ARVCF: variants seen among roughly 807,000 people sequenced by gnomAD.
ARVCF encodes splicing regulator ARVCF.
Under a neutral mutation model 90.9 loss-of-function variants are expected in ARVCF, and 66 were observed. The ratio of observed to expected loss-of-function variants is 0.73; its 90% CI spans 0.60 to 0.89. The LOEUF (loss-of-function observed/expected upper bound fraction) is 0.89, where lower values mean the gene tolerates loss of function less well. Ranked by LOEUF, ARVCF falls within the 40% of genes least tolerant of loss-of-function variation. The pLI is 0.00. For missense variants in ARVCF, 1,469 were observed against 1,382.3 expected, an observed-to-expected ratio of 1.06 and a Z score of -1.00; for synonymous variants, 653 against 603.4, an observed-to-expected ratio of 1.08 and a Z score of -1.21.
intron 2 of ARVCF, among the ~76,000 whole-genome samples, chr22:19,995,830 C>T (rs977675907): frequency 3.3e-5 from 5 of 152,098 alleles, no homozygotes; most frequent in African/African-American, 1.2e-4. Context: ...CATCGAGCCT[C>T]CTCCCATACC....
At chr22:19,993,167 C>A (rs1351099495) in intron 2 of ARVCF, among the ~76,000 whole-genome samples, 1 of 151,954 alleles carries the variant, frequency 6.6e-6, no homozygotes, top group Non-Finnish European at 1.5e-5. Flanking sequence ...GTGCCCTAGG[C>A]CCGCAGGTCA....
intron 2 of ARVCF, among the ~76,000 whole-genome samples, chr22:20,007,044 A>T (rs767196539): frequency 1.3e-5 from 2 of 152,098 alleles, no homozygotes; most frequent in Non-Finnish European, 2.9e-5. Flanking sequence ...GCTGGGGCCC[A>T]GAAGTTCGAG....
At chr22:19,998,172 G>A (rs1185416719) in intron 2 of ARVCF, among the ~76,000 whole-genome samples, 1 of 152,204 alleles carries the variant, frequency 6.6e-6, no homozygotes, top group Non-Finnish European at 1.5e-5. Context: ...GCCTCAGCGG[G>A]CAGGTGCAGC....
At chr22:19,997,036 C>T (rs1215524336) in intron 2 of ARVCF, among the ~76,000 whole-genome samples, 1 of 152,244 alleles carries the variant, frequency 6.6e-6, no homozygotes. Context: ...CTGCCCTGCA[C>T]TAATGCAGTG....
Position 19,987,150 on chromosome 22 carries a change from G to A in ARVCF, c.210+3435C>T, listed in dbSNP as rs973090973. The A allele has an allele frequency of 8.6e-6, 4 of 464,576 alleles. No individual in the cohort carries two copies. In the Admixed American group the frequency reaches 1.7e-4, roughly 20 times the overall value. 28.8% of individuals were successfully genotyped at this position (464,576 alleles called of 1,614,324 possible). A position where few individuals can be genotyped will look rare whatever the true frequency, so the allele number is the denominator to read the frequency against. Reference sequence around the variant, plus strand: ...GCGGGGGAGGCGGTGGCTGGACCAGGCTCGGCTCCGGCGCCTCGGCCGCTC... The same window carrying A: ...GCGGGGGAGGCGGTGGCTGGACCAGACTCGGCTCCGGCGCCTCGGCCGCTC... On this transcript the variant is annotated intron_variant, in intron 3 of 19. Coordinates refer to ENST00000263207, the MANE Select transcript of ARVCF (RefSeq NM_001670.3).
chr22:19,975,339 A>G (rs902861849), intron 11 of ARVCF, among the ~76,000 whole-genome samples: 1 of 152,188 alleles, frequency 6.6e-6, no homozygotes, highest in Non-Finnish European at 1.5e-5. Flanking sequence ...GCCCCCTCAG[A>G]TAACTCAGCT....
At chr22:20,012,889 C>G (rs1271121404) in intron 1 of ARVCF, among the ~76,000 whole-genome samples, 1 of 152,238 alleles carries the variant, frequency 6.6e-6, no homozygotes, top group Non-Finnish European at 1.5e-5. Context: ...GGGCAGCTCC[C>G]ATGGGTACAC....
chr22:19,971,126 G>T, intron 19 of ARVCF, 90 bp downstream of exon 19: 1 of 1,544,036 alleles, frequency 6.5e-7, no homozygotes, highest in South Asian at 1.2e-5. Context: ...CGTGCGGGAA[G>T]AGCAGAGCGT....
intron 2 of ARVCF, among the ~76,000 whole-genome samples, chr22:20,006,462 C>A (rs1033648991): frequency 2.7e-5 from 4 of 150,786 alleles, no homozygotes; most frequent in Admixed American, 2.6e-4. Flanking sequence ...GCCTGTAGTT[C>A]CAGCTACTTG....
rs965138536 is a variant in ARVCF at position 20,009,879 on chromosome 22, C to T, written c.-19+576G>A. On this transcript the variant is annotated intron_variant, in intron 2 of 19. Transcript: ENST00000263207. ...GTGATCAGAGTACATTCAGACTATT[C>T]AGTTATGGGCTGTCTGCAGCCATTT... 4.6e-5 allele frequency among the ~76,000 whole-genome samples: 7 copies of T among 152,372 alleles called. No homozygotes were observed. The East Asian group carries it at 1.2e-3, about 25-fold the overall frequency.
chr22:19,973,529 G>A (rs1342301938), intron 13 of ARVCF, 114 bp downstream of exon 13: 3 of 1,483,726 alleles, frequency 2.0e-6, no homozygotes, highest in Non-Finnish European at 2.7e-6. Flanking sequence ...GCGCCCAAGC[G>A]AGAGGGCCGG....
intron 3 of ARVCF, among the ~76,000 whole-genome samples, chr22:19,988,673 G>A (rs1026989459): frequency 5.3e-5 from 8 of 152,354 alleles, no homozygotes; most frequent in South Asian, 2.1e-4. Flanking sequence ...CCCAAAGCCC[G>A]GGCTCTGACC....
chr22:19,966,189 C>T (rs916895499), downstream of ARVCF, among the ~76,000 whole-genome samples: 11 of 152,270 alleles, frequency 7.2e-5, no homozygotes, highest in Middle Eastern at 3.4e-3. Context: ...CCTTGTTAAA[C>T]GCACATCTGC....
At chr22:19,971,760 C>T in intron 18 of ARVCF, 126 bp downstream of exon 18, 1 of 1,003,452 alleles carries the variant, frequency 1.0e-6, no homozygotes. Flanking sequence ...GCTTCCTGGG[C>T]TTGGCCCCAC....
At chr22:19,987,436 C>A (rs915668369) in intron 3 of ARVCF, among the ~76,000 whole-genome samples, 5 of 151,184 alleles carry the variant, frequency 3.3e-5, no homozygotes, top group African/African-American at 7.3e-5. Context: ...CCCTCCCCCT[C>A]CCTGCGGCAG....
At chr22:20,002,758 C>A (rs141919096) in intron 2 of ARVCF, among the ~76,000 whole-genome samples, 12 of 152,148 alleles carry the variant, frequency 7.9e-5, no homozygotes, top group Non-Finnish European at 1.6e-4. Flanking sequence ...CCACAGCCTG[C>A]GCATGAAGAT....
intron 9 of ARVCF, 127 bp downstream of exon 9, chr22:19,977,288 C>T (rs1943209654): frequency 7.7e-7 from 1 of 1,293,756 alleles, no homozygotes; most frequent in East Asian, 2.7e-5. Flanking sequence ...GGCTTCCCTG[C>T]CTGCCTGTTG....
At position 19,981,987 on chromosome 22, in the gene ARVCF, G is replaced by C; in HGVS notation, c.315C>G (p.Ser105=). 6.2e-7 allele frequency: 1 copy of C among 1,613,236 alleles called. No homozygotes were observed. Among genetic ancestry groups the C allele is most frequent in the Non-Finnish European group, 8.5e-7 (1 of 1,179,964 alleles). Residue 105 remains serine (S), a synonymous_variant, in exon 4 of 20, where the codon TCC becomes TCG. Transcript: ENST00000263207. ...TVEEDPGTPT[S]HVSIVTSEDG... ...CTTCGGATGTGACAATAGACACATG[G>C]GAAGTGGGTGTGCCGGGGTCCTCCT...
chr22:19,989,910 C>T (rs1460911306), intron 3 of ARVCF, among the ~76,000 whole-genome samples: 1 of 152,194 alleles, frequency 6.6e-6, no homozygotes. Flanking sequence ...ATGATAATCA[C>T]ACCACATCCC....
Sources: allele counts gnomAD v4.1 joint callset (sites outside exome capture counted in the v4.1 genomes callset), GRCh38; gene constraint gnomAD v4.1.1; transcripts MANE v1.5; gene names NCBI Gene and HGNC (gene_info 2026-07-23, HGNC 2026-07-21).